Variants in ZSCAN31 observed in about 807,000 individuals in gnomAD.
ZSCAN31 encodes zinc finger and SCAN domain containing 31.
ZSCAN31 carries 14 observed loss-of-function variants against 22.5 expected under a neutral mutation model. The ratio of observed to expected loss-of-function variants is 0.62; its 90% CI spans 0.41 to 0.97. The LOEUF is 0.97. ZSCAN31 is among the 50% of genes least tolerant of loss of function. The pLI, the probability that ZSCAN31 is intolerant of heterozygous loss-of-function variation, is 0.00. For synonymous variants in ZSCAN31, 168 were observed against 169.8 expected (o/e 0.99, Z 0.08); for missense variants, 424 against 483.4 (o/e 0.88, Z 1.15).
intron 2 of ZSCAN31, among the ~76,000 whole-genome samples, chr6:28,352,969 T>C (rs926512091): frequency 6.9e-6 from 1 of 144,412 alleles, no homozygotes; most frequent in Non-Finnish European, 1.5e-5. Flanking sequence ...TTTTTCTTTT[T>C]TTTTTTTTTT....
chr6:28,342,416 C>G (rs1310414372), intron 2 of ZSCAN31, among the ~76,000 whole-genome samples: 1 of 152,188 alleles, frequency 6.6e-6, no homozygotes, highest in Non-Finnish European at 1.5e-5. Context: ...CACCACCACA[C>G]CTGGACACTA....
rs756011553 is a variant in ZSCAN31 at position 28,331,455 on chromosome 6, G to A, written c.-95-1677C>T. Among the ~76,000 whole-genome samples the A allele has an allele frequency of 1.2e-3, 176 of 152,144 alleles. 1 individual carries two copies. The highest frequency in any genetic ancestry group is 1.1e-3 in the Non-Finnish European group (76 of 67,984). ...TACTAGGTGTCTGGAATAAAGGAAC[G>A]GTCCCTAACTTTATGGTATTTACCA... On this transcript the variant is annotated intron_variant, in intron 1 of 3. Transcript: ENST00000344279. The surrounding 1 kb of genome is among the most constrained non-coding windows in gnomAD (Gnocchi z 4.8).
upstream of ZSCAN31, chr6:28,337,076 A>AT (rs1764211686): frequency 6.6e-6 from 1 of 152,258 alleles, no homozygotes; most frequent in Non-Finnish European, 1.5e-5. Context: ...TAGGAAATAA[A>AT]TGTATGTATT....
At chr6:28,328,689 A>G (rs1345529775) in intron 2 of ZSCAN31, among the ~76,000 whole-genome samples, 3 of 152,216 alleles carry the variant, frequency 2.0e-5, no homozygotes, top group Non-Finnish European at 1.5e-5. Context: ...TGACAGGATT[A>G]AGAGATTAAA....
At chr6:28,354,306 G>A (rs1012602388), upstream of ZSCAN31, 82 of 221,260 alleles carry the variant, frequency 3.7e-4, 1 homozygote, top group African/African-American at 1.8e-3. Flanking sequence ...AAGTGGAGTG[G>A]TGCGCCTGCG....
intron 1 of ZSCAN31, among the ~76,000 whole-genome samples, chr6:28,334,828 T>C (rs1158381072): frequency 1.3e-5 from 2 of 152,148 alleles, no homozygotes; most frequent in African/African-American, 4.8e-5. Context: ...AGGTGTTAGG[T>C]GAAGCGCCTA....
At chr6:28,343,896 G>T (rs1454626917) in intron 2 of ZSCAN31, among the ~76,000 whole-genome samples, 14 of 152,052 alleles carry the variant, frequency 9.2e-5, no homozygotes. Context: ...CATTGATTTG[G>T]TAAATGCATT....
rs1409557570 is a variant in ZSCAN31, at chr6:28,325,805, T to A, written c.*361A>T. 5.5e-6 allele frequency: 1 copy of A among 180,984 alleles called. No homozygotes were observed. The highest frequency in any genetic ancestry group is 1.2e-5 in the Non-Finnish European group (1 of 84,220). The allele number at this position is 180,984 out of a possible 1,614,324, so 11.2% of individuals were successfully genotyped here. On this transcript the variant is annotated 3_prime_UTR_variant, in exon 4 of 4. Transcript: ENST00000344279. ...TTTTAGAATTGTTCAATATGCAGTA[T>A]TGCTCAAAAACAGCCCCTCCATAAC...
Position 28,326,821 on chromosome 6 carries a change from G to A in ZSCAN31, c.566C>T (p.Ala189Val). The stretch of plus-strand genomic sequence containing the variant: ...TTCTTTTAAGATTTCTTGCTTTGAT[G>A]CCAACTCCTGGTTCTCAGGTATACT... ...GESIPENQEL[A>V]SKQEILKEME... Residue 189 changes from alanine (A) to valine (V), a missense_variant, in exon 4 of 4, where the codon GCA (alanine) becomes GTA (valine). Transcript: ENST00000344279. The A allele has an allele frequency of 6.2e-7, 1 of 1,612,160 alleles. No homozygotes were observed. Among genetic ancestry groups the A allele is most frequent in the Non-Finnish European group, 8.5e-7 (1 of 1,179,770 alleles).
chr6:28,355,042 A>G (rs769768359), upstream of ZSCAN31, among the ~76,000 whole-genome samples: 1 of 152,216 alleles, frequency 6.6e-6, no homozygotes, highest in East Asian at 1.9e-4. Context: ...CAGTCCAGGT[A>G]GCAGTAGCAC....
At position 28,327,512 on chromosome 6, in the gene ZSCAN31, G is replaced by A; in HGVS notation, c.403C>T (p.His135Tyr). Residue 135 changes from histidine (H) to tyrosine (Y), a missense_variant, in exon 3 of 4, where the codon CAT (histidine) becomes TAT (tyrosine). Coordinates refer to ENST00000344279, the MANE Select transcript of ZSCAN31 (RefSeq NM_030899.5). Reference protein sequence around the residue: ...GNQAPDHEHGHSEVLLEDVEH... With the variant: ...GNQAPDHEHGYSEVLLEDVEH... ...ACATCCTCCAAGAGCACTTCAGAAT[G>A]TCCATGTTCATGGTCTGGAGCCTGA... 6.2e-7 allele frequency: 1 copy of A among 1,613,468 alleles called. No individual in the cohort carries two copies. Among genetic ancestry groups the A allele is most frequent in the Non-Finnish European group, 8.5e-7 (1 of 1,180,004 alleles).
Position 28,334,650 on chromosome 6 carries a change from T to G in ZSCAN31, c.-96+1432A>C, listed in dbSNP as rs868602976. Among the ~76,000 whole-genome samples, 313 of 152,264 alleles carry G rather than the reference T, an allele frequency of 2.1e-3. 1 individual carries two copies. Among genetic ancestry groups the G allele is most frequent in the African/African-American group, 5.7e-3 (238 of 41,530 alleles). On this transcript the variant is annotated intron_variant, in intron 1 of 3. Coordinates refer to ENST00000344279, the MANE Select transcript of ZSCAN31 (RefSeq NM_030899.5). ...TACAGGAAGACTGGAAGAGCCTCCT[T>G]TTAAACAAGGCAATGGGATGGGAGG...
chr6:28,349,482 T>G lies in ZSCAN31; in HGVS notation c.-371+4380A>C, dbSNP rs1764829312. Among the ~76,000 whole-genome samples, 1 of 152,198 alleles carries G rather than the reference T, an allele frequency of 6.6e-6. No homozygotes were observed. The highest frequency in any genetic ancestry group is 1.5e-5 in the Non-Finnish European group (1 of 68,034). ...GTGTTAGATTATCTTGGATTTTTTATGTAAACCACGCAGCATGTTCCTTAA... is the reference window on the plus strand; with the variant it reads ...GTGTTAGATTATCTTGGATTTTTTAGGTAAACCACGCAGCATGTTCCTTAA... On this transcript the variant is annotated intron_variant, in intron 2 of 7. Coordinates refer to the ZSCAN31 transcript ENST00000396838. This position sits in a 1 kb window ranked among gnomAD's most constrained non-coding sequence, Gnocchi z 4.1.
chr6:28,341,417 G>A (rs951569212), intron 3 of ZSCAN31, among the ~76,000 whole-genome samples: 7 of 152,186 alleles, frequency 4.6e-5, no homozygotes, highest in African/African-American at 1.7e-4. Flanking sequence ...CTCTTCTGGT[G>A]GATGGGGCAA....
chr6:28,341,707 T>C (rs891007300), intron 3 of ZSCAN31: 2 of 152,308 alleles, frequency 1.3e-5, no homozygotes, highest in Non-Finnish European at 2.9e-5. Flanking sequence ...CTGTTCTGGC[T>C]CTTTGGAGGG....
At chr6:28,337,218 A>T (rs1288289960), upstream of ZSCAN31, among the ~76,000 whole-genome samples, 1 of 152,236 alleles carries the variant, frequency 6.6e-6, no homozygotes, top group Admixed American at 6.5e-5. Context: ...AAATGTACAA[A>T]AGCAGAACTG....
intron 2 of ZSCAN31, among the ~76,000 whole-genome samples, chr6:28,348,004 A>C (rs2113866835): frequency 6.6e-6 from 1 of 152,220 alleles, no homozygotes; most frequent in South Asian, 2.1e-4. Context: ...TGGTCATTCG[A>C]GATTCCTCTC....
chr6:28,332,299 C>T (rs191399847), intron 1 of ZSCAN31: 7 of 152,300 alleles, frequency 4.6e-5, no homozygotes, highest in African/African-American at 1.4e-4. Context: ...AAATTATGAA[C>T]GCATCTTCAA....
At chr6:28,354,756 G>C (rs1303792780), upstream of ZSCAN31, among the ~76,000 whole-genome samples, 1 of 152,228 alleles carries the variant, frequency 6.6e-6, no homozygotes, top group Non-Finnish European at 1.5e-5. Context: ...ACAGGTTACT[G>C]TTTGTCCCCA....
Sources: allele counts gnomAD v4.1 joint callset (sites outside exome capture counted in the v4.1 genomes callset), GRCh38; gene constraint gnomAD v4.1.1; non-coding constraint Gnocchi (gnomAD v3.1); transcripts MANE v1.5; gene names NCBI Gene and HGNC (gene_info 2026-07-23, HGNC 2026-07-21).